Variants in RSRC1 observed in about 807,000 individuals in gnomAD.
RSRC1 encodes the protein arginine and serine rich coiled-coil 1, also known as serine/Arginine-related protein 53.
In RSRC1, 39 loss-of-function variants were observed where a neutral mutation model predicts 49.1. That is an observed-to-expected ratio of 0.79 (90% CI 0.61 to 1.04). The LOEUF (loss-of-function observed/expected upper bound fraction) is 1.04, where lower values mean the gene tolerates loss of function less well. Among genes scored for constraint, RSRC1 ranks in the 50% least tolerant of loss-of-function variants. The probability of loss-of-function intolerance (pLI) is 0.00; values close to 1 mark genes in which losing one functional copy is unlikely to be tolerated. For missense variants in RSRC1, 388 were observed against 402.4 expected (o/e 0.96, Z 0.31); for synonymous variants, 143 against 130.8 (o/e 1.09, Z -0.63).
intron 6 of RSRC1, among the ~76,000 whole-genome samples, chr3:158,369,294 G>A (rs1430673102): frequency 6.6e-6 from 1 of 151,682 alleles, no homozygotes; most frequent in East Asian, 1.9e-4. Context: ...ATTATATTAG[G>A]ATTCAATTCT....
intron 5 of RSRC1, among the ~76,000 whole-genome samples, chr3:158,313,605 A>G (rs1003277412): frequency 6.6e-6 from 1 of 152,234 alleles, no homozygotes; most frequent in Non-Finnish European, 1.5e-5. Context: ...CATTTTAAGG[A>G]AGGCACACGT....
chr3:158,375,048 C>G (rs980528463), intron 6 of RSRC1, among the ~76,000 whole-genome samples: 8 of 151,732 alleles, frequency 5.3e-5, no homozygotes, highest in African/African-American at 1.7e-4. Flanking sequence ...GTTACTAAGG[C>G]CTTGGAATTT....
At chr3:158,129,084 G>T (rs561201534) in intron 3 of RSRC1, among the ~76,000 whole-genome samples, 10 of 152,038 alleles carry the variant, frequency 6.6e-5, no homozygotes, top group Admixed American at 2.0e-4. Flanking sequence ...GATATCTTGG[G>T]AGAGATATTT....
intron 3 of RSRC1, among the ~76,000 whole-genome samples, chr3:158,145,161 T>G (rs889370949): frequency 2.0e-5 from 3 of 152,214 alleles, no homozygotes; most frequent in African/African-American, 7.2e-5. Flanking sequence ...CAATTTTGGC[T>G]TTTGTTGCCA....
chr3:158,357,900 A>T (rs1033090429), intron 6 of RSRC1, among the ~76,000 whole-genome samples: 2 of 152,222 alleles, frequency 1.3e-5, no homozygotes, highest in African/African-American at 4.8e-5. Flanking sequence ...AACTTGATAG[A>T]TAAGGTTAAT....
At chr3:158,531,483 A>T (rs1712397052) in intron 7 of RSRC1, among the ~76,000 whole-genome samples, 1 of 151,914 alleles carries the variant, frequency 6.6e-6, no homozygotes, top group Non-Finnish European at 1.5e-5. Flanking sequence ...ACTTAATCTG[A>T]TATAGTAAGC....
intron 7 of RSRC1, among the ~76,000 whole-genome samples, chr3:158,517,000 A>AC (rs1244658009): frequency 6.6e-6 from 1 of 151,934 alleles, no homozygotes; most frequent in Non-Finnish European, 1.5e-5. Flanking sequence ...ACTGTCTGGC[A>AC]CTCCCTAGTG....
chr3:158,340,653 G>A (rs996952594), intron 5 of RSRC1, among the ~76,000 whole-genome samples: 1 of 152,214 alleles, frequency 6.6e-6, no homozygotes, highest in African/African-American at 2.4e-5. Context: ...ACCTCTTTCT[G>A]TTCCCAGTGT....
At chr3:158,532,087 C>T (rs1264191126) in intron 7 of RSRC1, among the ~76,000 whole-genome samples, 1 of 151,386 alleles carries the variant, frequency 6.6e-6, no homozygotes, top group Admixed American at 6.6e-5. Flanking sequence ...ATAAGATAAT[C>T]TTTTGTATTA....
At chr3:158,160,988 AGTT>A (rs1486090079) in intron 3 of RSRC1, among the ~76,000 whole-genome samples, 2 of 151,796 alleles carry the variant, frequency 1.3e-5, no homozygotes, top group Non-Finnish European at 2.9e-5. Flanking sequence ...GCTTTCAAAC[AGTT>A]GTTCTTGTGC....
chr3:158,516,559 G>A (rs1350038381), intron 7 of RSRC1, among the ~76,000 whole-genome samples: 1 of 152,150 alleles, frequency 6.6e-6, no homozygotes, highest in East Asian at 1.9e-4. Flanking sequence ...TGTTGTCTGT[G>A]CCCTGCCCCC....
chr3:158,254,356 G>A (rs916312396), intron 4 of RSRC1, among the ~76,000 whole-genome samples: 2 of 152,178 alleles, frequency 1.3e-5, no homozygotes, highest in African/African-American at 4.8e-5. Flanking sequence ...CTTCCACAAT[G>A]GTTGAACTAA....
intron 3 of RSRC1, among the ~76,000 whole-genome samples, chr3:158,148,965 A>G (rs912400841): frequency 6.6e-6 from 1 of 151,908 alleles, no homozygotes; most frequent in Non-Finnish European, 1.5e-5. Context: ...TGTACTTTTA[A>G]TAGAGACGGG....
intron 7 of RSRC1, among the ~76,000 whole-genome samples, chr3:158,475,995 A>G (rs541605885): frequency 2.6e-5 from 4 of 152,318 alleles, no homozygotes; most frequent in Non-Finnish European, 5.9e-5. Flanking sequence ...GATTGAAAGT[A>G]AAGGGCTACT....
intron 6 of RSRC1, among the ~76,000 whole-genome samples, chr3:158,403,423 A>G (rs929286653): frequency 4.0e-5 from 6 of 151,780 alleles, no homozygotes; most frequent in Non-Finnish European, 1.5e-5. Flanking sequence ...ATTACTCTCC[A>G]TAGTATAGCT....
At chr3:158,383,149 A>G (rs1408954068) in intron 6 of RSRC1, among the ~76,000 whole-genome samples, 3 of 152,212 alleles carry the variant, frequency 2.0e-5, no homozygotes, top group Admixed American at 6.6e-5. Context: ...TGACTGGCAT[A>G]TCTTTCTATA....
intron 4 of RSRC1, among the ~76,000 whole-genome samples, chr3:158,263,236 G>T (rs1200006331): frequency 1.3e-5 from 2 of 152,018 alleles, no homozygotes; most frequent in East Asian, 1.9e-4. Flanking sequence ...TTTAAGAAAT[G>T]GTTGTTTTAT....
intron 5 of RSRC1, among the ~76,000 whole-genome samples, chr3:158,345,359 AG>A (rs58560609): frequency 6.6e-6 from 1 of 152,308 alleles, no homozygotes; most frequent in African/African-American, 2.4e-5. Context: ...TGTATAATAA[AG>A]CAAGATCCAA....
At chr3:158,360,851 T>C (rs1731427528) in intron 6 of RSRC1, among the ~76,000 whole-genome samples, 1 of 152,172 alleles carries the variant, frequency 6.6e-6, no homozygotes. Context: ...ACTTGGGGGC[T>C]GCAGCCATGC....
Sources: allele counts gnomAD v4.1 joint callset (sites outside exome capture counted in the v4.1 genomes callset), GRCh38; gene constraint gnomAD v4.1.1; transcripts MANE v1.5; gene names NCBI Gene and HGNC (gene_info 2026-07-23, HGNC 2026-07-21).